The following FNDC3A variants were observed in gnomAD, a reference collection of about 807,000 sequenced individuals.
FNDC3A encodes fibronectin type III domain containing 3A, also known as fibronectin type-III domain-containing protein 3A.
Under a neutral mutation model 148.9 loss-of-function variants are expected in FNDC3A, and 32 were observed. The ratio of observed to expected loss-of-function variants is 0.21; its 90% CI spans 0.16 to 0.29. The LOEUF is 0.29. Among genes scored for constraint, FNDC3A ranks in the 10% least tolerant of loss-of-function variants. The probability of loss-of-function intolerance (pLI) is 1.00; values close to 1 mark genes in which losing one functional copy is unlikely to be tolerated. For missense variants in FNDC3A, 1,191 were observed against 1,452.8 expected (o/e 0.82, Z 2.93); for synonymous variants, 472 against 473.6 (o/e 1.00, Z 0.04).
Position 49,208,877 on chromosome 13 carries a change from A to AT in FNDC3A, c.*1488dup. The AT allele has an allele frequency of 6.6e-6, 1 of 152,522 alleles. No individual in the cohort carries two copies. The highest frequency in any genetic ancestry group is 1.5e-5 in the Non-Finnish European group (1 of 68,012). The allele number at this position is 152,522 out of a possible 1,614,324, so 9.4% of individuals were successfully genotyped here. ...CTGTCAGTCTTTGAAAAAAGAACGTATTTTTTGTGCTTTGAAGATCTCTGA... is the reference window on the plus strand; with the variant it reads ...CTGTCAGTCTTTGAAAAAAGAACGTATTTTTTTGTGCTTTGAAGATCTCTGA... On this transcript the variant is annotated 3_prime_UTR_variant, in exon 26 of 26. Transcript: ENST00000492622.
rs1012276696 is a variant in FNDC3A at position 49,143,612 on chromosome 13, A to G, written c.820-2166A>G. ...ACAGGGATTCCATACTATCTTCCCA[A>G]CTTTTCTTTAAACCTAAATTTATTT... On this transcript the variant is annotated intron_variant, in intron 7 of 25. Coordinates refer to ENST00000492622, the MANE Select transcript of FNDC3A (RefSeq NM_001079673.2). 1.3e-4 allele frequency among the ~76,000 whole-genome samples: 20 copies of G among 152,144 alleles called. No individual in the cohort carries two copies. The East Asian group carries it at 1.7e-3, about 13-fold the overall frequency.
At position 49,102,430 on chromosome 13, in the gene FNDC3A, G is replaced by T. The variant is rs148901895; in HGVS notation, c.176-12225G>T. ...TATATGTAACTAGCAGATACTTAGG[G>T]CATAATAGTGTTGGGTTTTCCATCC... On this transcript the variant is annotated intron_variant, in intron 3 of 25. Transcript: ENST00000492622. 1.1e-3 allele frequency among the ~76,000 whole-genome samples: 174 copies of T among 152,258 alleles called. 1 individual carries two copies. The highest frequency in any genetic ancestry group is 4.0e-3 in the African/African-American group (168 of 41,542).
At chr13:49,141,822 A>T (rs1041141262) in intron 7 of FNDC3A, among the ~76,000 whole-genome samples, 6 of 152,100 alleles carry the variant, frequency 3.9e-5, no homozygotes, top group Non-Finnish European at 4.4e-5. Flanking sequence ...TCCTGTTACC[A>T]TCTTTATCAG....
At chr13:49,018,088 G>T (rs1457319255) in intron 2 of FNDC3A, among the ~76,000 whole-genome samples, 1 of 151,110 alleles carries the variant, frequency 6.6e-6, no homozygotes, top group African/African-American at 2.4e-5. Context: ...TCTTGGAGTT[G>T]CTCTTCTCGA....
At chr13:49,158,483 G>A (rs1330434990) in intron 8 of FNDC3A, among the ~76,000 whole-genome samples, 1 of 152,198 alleles carries the variant, frequency 6.6e-6, no homozygotes, top group African/African-American at 2.4e-5. Flanking sequence ...CCAGTCTTCT[G>A]CGTCGCTCAC....
In FNDC3A at chr13:49,207,167, G is replaced by A; in HGVS notation, c.3369G>A (p.Gln1123=). 1.2e-6 allele frequency: 2 copies of A among 1,614,176 alleles called. No individual in the cohort carries two copies. Among genetic ancestry groups the A allele is most frequent in the Non-Finnish European group, 1.7e-6 (2 of 1,180,022 alleles). Reference sequence around the variant, plus strand: ...GCTTCCGTGTATGTGCCATTCGCCAGTGCCAAGACTCTCTGGGACACCAGG... The same window carrying A: ...GCTTCCGTGTATGTGCCATTCGCCAATGCCAAGACTCTCTGGGACACCAGG... ...EYRFRVCAIR[Q]CQDSLGHQDL... is the part of the protein sequence containing the mutation. Residue 1123 remains glutamine, a synonymous_variant, in exon 26 of 26, where the codon CAG becomes CAA. Transcript: ENST00000492622.
intron 8 of FNDC3A, among the ~76,000 whole-genome samples, chr13:49,165,785 A>G (rs181939173): frequency 6.6e-6 from 1 of 152,294 alleles, no homozygotes; most frequent in Admixed American, 6.5e-5. Context: ...CTGGGTTCCA[A>G]GCAGTCCATG....
intron 3 of FNDC3A, among the ~76,000 whole-genome samples, chr13:49,097,372 T>TA (rs1202070942): frequency 6.6e-6 from 1 of 151,848 alleles, no homozygotes; most frequent in African/African-American, 2.4e-5. Context: ...ATTTTTTTTT[T>TA]AAACACTTTT....
chr13:49,117,604 GA>G (rs200685612), intron 4 of FNDC3A, among the ~76,000 whole-genome samples: 6 of 148,440 alleles, frequency 4.0e-5, no homozygotes, highest in South Asian at 2.1e-4. Flanking sequence ...GAAAATATTT[GA>G]AAAAAAAAAT....
intron 2 of FNDC3A, among the ~76,000 whole-genome samples, chr13:49,073,210 A>G (rs906537722): frequency 6.6e-6 from 1 of 152,190 alleles, no homozygotes; most frequent in African/African-American, 2.4e-5. Context: ...AAGGCAGAAA[A>G]CAAAAAGAAA....
intron 3 of FNDC3A, among the ~76,000 whole-genome samples, chr13:49,084,818 T>C (rs1436827438): frequency 2.0e-5 from 3 of 152,150 alleles, no homozygotes; most frequent in Non-Finnish European, 4.4e-5. Flanking sequence ...GAGTTATTGA[T>C]GTTTTCTCCT....
At chr13:49,193,550 C>T (rs1262637266) in intron 19 of FNDC3A, among the ~76,000 whole-genome samples, 1 of 152,202 alleles carries the variant, frequency 6.6e-6, no homozygotes, top group Non-Finnish European at 1.5e-5. Flanking sequence ...GCATGAGCCT[C>T]TGCACCTGAC....
intron 17 of FNDC3A, 106 bp from the exon 18 acceptor site, chr13:49,190,909 A>G: frequency 5.9e-6 from 4 of 674,200 alleles, no homozygotes; most frequent in East Asian, 2.7e-5. Flanking sequence ...TACAATTTCA[A>G]ATTATCAGTG....
chr13:49,025,419 G>A (rs868805024), intron 2 of FNDC3A, among the ~76,000 whole-genome samples: 1 of 151,986 alleles, frequency 6.6e-6, no homozygotes, highest in Non-Finnish European at 1.5e-5. Flanking sequence ...TCTTTAGAAT[G>A]TCTGAATAAA....
At chr13:49,123,251 G>T (rs1881477738) in intron 4 of FNDC3A, among the ~76,000 whole-genome samples, 1 of 152,174 alleles carries the variant, frequency 6.6e-6, no homozygotes. Context: ...ATGGGGAAAG[G>T]ATTCCCTATT....
At chr13:49,204,134 G>C (rs1303412255) in intron 25 of FNDC3A, among the ~76,000 whole-genome samples, 1 of 152,168 alleles carries the variant, frequency 6.6e-6, no homozygotes, top group Non-Finnish European at 1.5e-5. Flanking sequence ...TAGGCATGAA[G>C]TTATAATGGA....
chr13:49,005,133 A>G (rs1171345390), intron 1 of FNDC3A, among the ~76,000 whole-genome samples: 1 of 151,880 alleles, frequency 6.6e-6, no homozygotes, highest in Admixed American at 6.6e-5. Flanking sequence ...AATACTGAAT[A>G]ATTTTTAAAA....
chr13:49,185,871 G>T, intron 14 of FNDC3A, 93 bp from the exon 15 acceptor site: 2 of 949,512 alleles, frequency 2.1e-6, no homozygotes, highest in South Asian at 3.2e-5. Context: ...TTATCATTTG[G>T]TTGAAGCTGT....
At chr13:49,180,664 A>G (rs905103796) in intron 14 of FNDC3A, among the ~76,000 whole-genome samples, 8 of 152,166 alleles carry the variant, frequency 5.3e-5, no homozygotes, top group African/African-American at 1.7e-4. Flanking sequence ...ACACCATGGT[A>G]TTATAGGGAC....
Sources: allele counts gnomAD v4.1 joint callset (sites outside exome capture counted in the v4.1 genomes callset), GRCh38; gene constraint gnomAD v4.1.1; transcripts MANE v1.5; gene names NCBI Gene and HGNC (gene_info 2026-07-23, HGNC 2026-07-21).